THADA: variants seen among roughly 807,000 people sequenced by gnomAD.
THADA encodes tRNA (32-2'-O)-methyltransferase regulator THADA.
Under a neutral mutation model 219.8 loss-of-function variants are expected in THADA, and 213 were observed. That is an observed-to-expected ratio of 0.97 (90% CI 0.87 to 1.09). The LOEUF is 1.09. Ranked by LOEUF, THADA falls within the 50% of genes least tolerant of loss-of-function variation. The probability of loss-of-function intolerance (pLI) is 0.00; values close to 1 mark genes in which losing one functional copy is unlikely to be tolerated. For synonymous variants in THADA, 1,018 were observed against 828.9 expected, an observed-to-expected ratio of 1.23 and a Z score of -3.92; for missense variants, 2,956 against 2,311.3, an observed-to-expected ratio of 1.28 and a Z score of -5.72.
chr2:43,574,520 C>G lies in THADA; in HGVS notation c.1545G>C (p.Glu515Asp). The G allele has an allele frequency of 6.2e-7, 1 of 1,613,978 alleles. No individual in the cohort carries two copies. Among genetic ancestry groups the G allele is most frequent in the Non-Finnish European group, 8.5e-7 (1 of 1,179,894 alleles). ...CATGCCACTGGTCAATCCAAGAACT[C>G]TCAGCAGTCTGGGATTTCAAATGAC... The part of the protein sequence containing the change: ...HKSHLKSQTA[E>D]SSWIDQWHET... The change falls in exon 11 of 38, where the codon GAG becomes GAC. Residue 515 changes from glutamate to aspartate, a missense_variant. By Grantham distance (45) the Glu-to-Asp change is conservative. Coordinates refer to ENST00000405975, the MANE Select transcript of THADA (RefSeq NM_022065.5).
intron 29 of THADA, among the ~76,000 whole-genome samples, chr2:43,379,592 G>A (rs534268180): frequency 2.6e-5 from 4 of 152,342 alleles, no homozygotes; most frequent in African/African-American, 9.6e-5. Context: ...CTCATTCACT[G>A]CTGGTGGGAA....
In THADA at chr2:43,560,338, G is replaced by T; in HGVS notation, c.2359C>A (p.Arg787Ser). 3 of 1,611,690 alleles carry T rather than the reference G, an allele frequency of 1.9e-6. No individual in the cohort carries two copies. The South Asian group carries it at 3.3e-5, about 18-fold the overall frequency. ...YQLSHDIDVG[R>S]FQTLMECFTS... ...AAACATTCCATTAGTGTTTGGAAACGACCAACATCAATATCATGACTCAGC... is the reference window on the plus strand; with the variant it reads ...AAACATTCCATTAGTGTTTGGAAACTACCAACATCAATATCATGACTCAGC... The change falls in exon 16 of 38, where the codon CGT becomes AGT. Residue 787 changes from arginine (R) to serine (S), a missense_variant. Transcript: ENST00000405975.
In THADA at chr2:43,360,049, C is replaced by T. The variant is rs190351429; in HGVS notation, c.4228-15812G>A. Among the ~76,000 whole-genome samples, 20 of 151,990 alleles carry T rather than the reference C, an allele frequency of 1.3e-4. No homozygotes were observed. The East Asian group carries it at 3.9e-3, about 29-fold the overall frequency. ...TGTGCTGGGCAAATTAATCAAAGTG[C>T]AATTATCAGTCTATTACAAAGATTT... is the stretch of plus-strand genomic sequence containing the variant. On this transcript the variant is annotated intron_variant, in intron 29 of 37. Coordinates refer to ENST00000405975, the MANE Select transcript of THADA (RefSeq NM_022065.5).
In THADA at chr2:43,262,726, A is replaced by C. The variant is rs77586625; in HGVS notation, c.5296+17039T>G. On this transcript the variant is annotated intron_variant, in intron 36 of 37. Transcript: ENST00000405975. Reference sequence around the variant, plus strand: ...AAATGTCTAACAAACGTATTTGTACATTTATTTTTGAAGAACATTAGGACC... The same window carrying C: ...AAATGTCTAACAAACGTATTTGTACCTTTATTTTTGAAGAACATTAGGACC... Among the ~76,000 whole-genome samples the C allele has an allele frequency of 7.2e-3, 1,102 of 152,308 alleles. 12 individuals are homozygous for C. The highest frequency in any genetic ancestry group is 0.025 in the African/African-American group (1,039 of 41,572).
chr2:43,343,976 C>T (rs953976632), intron 30 of THADA, 146 bp downstream of exon 30: 10 of 579,134 alleles, frequency 1.7e-5, no homozygotes, highest in Non-Finnish European at 3.0e-5. Context: ...TTTACCACAA[C>T]CCAAAGTTCT....
chr2:43,231,203 A>T lies in THADA; in HGVS notation c.5607T>A (p.Cys1869Ter), dbSNP rs1464316904. ...GWRPPSPEML[C>*]HLQRMVSEQC... Reference sequence around the variant, plus strand: ...GCTCTGACACCATCCTTTGAAGGTGACAGAGCATCTCAGGGCTTGGGGGAC... The same window carrying T: ...GCTCTGACACCATCCTTTGAAGGTGTCAGAGCATCTCAGGGCTTGGGGGAC... The change falls in exon 38 of 38, where the codon TGT (cysteine) becomes TGA (stop). Residue 1869 changes from cysteine to a stop codon, truncating the protein, a stop_gained. Transcript: ENST00000405975. LOFTEE classifies it low-confidence loss of function (END_TRUNC). 2 of 1,613,928 alleles carry T rather than the reference A, an allele frequency of 1.2e-6. No homozygotes were observed. Among genetic ancestry groups the T allele is most frequent in the Non-Finnish European group, 1.7e-6 (2 of 1,179,836 alleles).
chr2:43,406,088 C>T (rs1300568239), intron 28 of THADA, among the ~76,000 whole-genome samples: 1 of 152,212 alleles, frequency 6.6e-6, no homozygotes, highest in African/African-American at 2.4e-5. Context: ...AGAAATCAGC[C>T]TCCATCATCT....
At chr2:43,480,346 C>CAG (rs1686042372) in intron 26 of THADA, among the ~76,000 whole-genome samples, 1 of 152,200 alleles carries the variant, frequency 6.6e-6, no homozygotes, top group Non-Finnish European at 1.5e-5. Context: ...CACAACTGAA[C>CAG]AGAGACTCCA....
intron 36 of THADA, among the ~76,000 whole-genome samples, chr2:43,253,986 C>T (rs1670062402): frequency 6.6e-6 from 1 of 152,038 alleles, no homozygotes. Flanking sequence ...AGACCCAGCC[C>T]CTCCACACCT....
chr2:43,533,442 A>T (rs577303699), intron 21 of THADA, among the ~76,000 whole-genome samples: 1 of 152,280 alleles, frequency 6.6e-6, no homozygotes, highest in African/African-American at 2.4e-5. Context: ...ATGCACACAT[A>T]TGTTTACTGC....
At position 43,510,885 on chromosome 2, in the gene THADA, C is replaced by T. The variant is rs139339863; in HGVS notation, c.3375-2105G>A. Among the ~76,000 whole-genome samples, 30 of 151,746 alleles carry T rather than the reference C, an allele frequency of 2.0e-4. No individual in the cohort carries two copies. In the East Asian group the frequency reaches 5.6e-3, roughly 28 times the overall value. On this transcript the variant is annotated intron_variant, in intron 22 of 37. Transcript: ENST00000405975. ...ACTCGGGAGGCTGAAGCAGGAGAAT[C>T]GCTTGAACTCAGGAAGCAGAGACTG...
intron 28 of THADA, among the ~76,000 whole-genome samples, chr2:43,411,087 A>G (rs1217232121): frequency 6.6e-6 from 1 of 152,208 alleles, no homozygotes; most frequent in Non-Finnish European, 1.5e-5. Context: ...AAACACTTAA[A>G]TCCTAACAAT....
chr2:43,273,216 C>A lies in THADA; in HGVS notation c.5296+6549G>T, dbSNP rs528900290. On this transcript the variant is annotated intron_variant, in intron 36 of 37. Transcript: ENST00000405975. ...GTGAGCCGAGATTGCACCACCACTG[C>A]ACTCTCGCCTGGGCGCCAAGAGTGA... Among the ~76,000 whole-genome samples, 7 of 151,506 alleles carry A rather than the reference C, an allele frequency of 4.6e-5. No individual in the cohort carries two copies. The South Asian group carries it at 1.5e-3, about 32-fold the overall frequency.
intron 33 of THADA, 77 bp downstream of exon 33, chr2:43,292,027 G>C (rs1328495397): frequency 1.0e-6 from 1 of 989,202 alleles, no homozygotes; most frequent in Non-Finnish European, 1.5e-6. Flanking sequence ...GGGCAGGATT[G>C]TGTGCAAGTT....
chr2:43,334,285 C>T (rs979869103), intron 30 of THADA, among the ~76,000 whole-genome samples: 3 of 151,934 alleles, frequency 2.0e-5, no homozygotes, highest in Admixed American at 2.0e-4. Flanking sequence ...GCAGACGAGG[C>T]ACACATGAAA....
chr2:43,512,170 A>G (rs1308912410), intron 22 of THADA, among the ~76,000 whole-genome samples: 1 of 152,226 alleles, frequency 6.6e-6, no homozygotes, highest in African/African-American at 2.4e-5. Flanking sequence ...CCATGGACCC[A>G]GGAACCTCAT....
intron 21 of THADA, among the ~76,000 whole-genome samples, chr2:43,535,558 G>C (rs965086397): frequency 1.3e-5 from 2 of 149,382 alleles, no homozygotes; most frequent in African/African-American, 4.9e-5. Context: ...GCACATGCTT[G>C]TAATCGAAGC....
At chr2:43,372,293 C>T (rs1435464704) in intron 29 of THADA, 1 of 152,202 alleles carries the variant, frequency 6.6e-6, no homozygotes, top group Non-Finnish European at 1.5e-5. Flanking sequence ...CTAAAACACA[C>T]AAGTACTGTT....
chr2:43,570,393 A>G lies in THADA; in HGVS notation c.2182T>C (p.Tyr728His), dbSNP rs746532780. The G allele has an allele frequency of 6.2e-7, 1 of 1,610,242 alleles. No individual in the cohort carries two copies. The highest frequency in any genetic ancestry group is 1.1e-5 in the South Asian group (1 of 89,944). Residue 728 changes from tyrosine to histidine, a missense_variant, in exon 14 of 38, where the codon TAT becomes CAT. Physicochemically the swap from Tyr to His is moderately conservative, Grantham distance 83 (BLOSUM62 2). Transcript: ENST00000405975. ...KQHPSVSLQQ[Y>H]KNFMSSICNS... Reference sequence around the variant, plus strand: ...TTTAGAAATATATCACCTACCTTATACTGCTGTAAAGAAACAGAAGGGTGC... The same window carrying G: ...TTTAGAAATATATCACCTACCTTATGCTGCTGTAAAGAAACAGAAGGGTGC...
Sources: allele counts gnomAD v4.1 joint callset (sites outside exome capture counted in the v4.1 genomes callset), GRCh38; gene constraint gnomAD v4.1.1; transcripts MANE v1.5; gene names NCBI Gene and HGNC (gene_info 2026-07-23, HGNC 2026-07-21).